Variants in ZNF532 observed in about 807,000 individuals in gnomAD.
ZNF532 encodes zinc finger protein 532.
A neutral mutation model predicts 89.3 loss-of-function variants in ZNF532; 22 were observed. That is an observed-to-expected ratio of 0.25 (90% CI 0.18 to 0.35). The LOEUF is 0.35. ZNF532 is among the 10% of genes least tolerant of loss of function. The pLI, the probability that ZNF532 is intolerant of heterozygous loss-of-function variation, is 1.00. For synonymous variants in ZNF532, 606 were observed against 649.6 expected, an observed-to-expected ratio of 0.93 and a Z score of 1.02; for missense variants, 1,132 against 1,643.4, an observed-to-expected ratio of 0.69 and a Z score of 5.38.
intron 7 of ZNF532, 58 bp from the exon 8 acceptor site, chr18:58,978,997 A>C (rs1187135968): frequency 5.9e-6 from 8 of 1,360,454 alleles, no homozygotes; most frequent in Non-Finnish European, 7.3e-6. Flanking sequence ...AAGAGTTCTT[A>C]ATTGTTTGAG....
chr18:58,944,989 C>G (rs1357350310), intron 5 of ZNF532, among the ~76,000 whole-genome samples: 1 of 152,174 alleles, frequency 6.6e-6, no homozygotes, highest in African/African-American at 2.4e-5. Context: ...GTGCAGCCCC[C>G]CAGTCAGGAA....
intron 3 of ZNF532, among the ~76,000 whole-genome samples, chr18:58,931,983 G>A (rs558391624): frequency 6.6e-6 from 1 of 152,252 alleles, no homozygotes; most frequent in African/African-American, 2.4e-5. Flanking sequence ...ATGGAGTCAA[G>A]GAGTAGAGGA....
At chr18:58,888,761 A>ATATATAATTTATATATATATAAATTAT (rs1450919884) in intron 2 of ZNF532, among the ~76,000 whole-genome samples, 6 of 9,438 alleles carry the variant, frequency 6.4e-4, no homozygotes, top group Admixed American at 5.0e-3. Context: ...ATATAAAATT[A>ATATATAATTTATATATATATAAATTAT]ATATATATAA....
rs777150171 is a variant in ZNF532, at chr18:58,984,261, T to C, written c.3701T>C (p.Val1234Ala). 1.9e-6 allele frequency: 3 copies of C among 1,611,830 alleles called. No homozygotes were observed. The highest frequency in any genetic ancestry group is 2.7e-5 in the African/African-American group (2 of 74,830). Residue 1234 changes from valine (V) to alanine (A), a missense_variant, in exon 10 of 10, where the codon GTG (valine) becomes GCG (alanine). By Grantham distance (64) the Val-to-Ala change is moderately conservative (BLOSUM62 0). This residue lies in a region of ZNF532 where 415 missense variants were observed against 604.8 expected (regional missense o/e 0.69). Coordinates refer to ENST00000591808, the MANE Select transcript of ZNF532 (RefSeq NM_001375912.1). ...IVHKLKEPQPVSKQNGAGEDN... is the reference protein window; with the variant it reads ...IVHKLKEPQPASKQNGAGEDN... Reference sequence around the variant, plus strand: ...CACAAGTTAAAGGAACCTCAGCCAGTGTCCAAGCAAAATGGGGCTGGGGAA... The same window carrying C: ...CACAAGTTAAAGGAACCTCAGCCAGCGTCCAAGCAAAATGGGGCTGGGGAA...
intron 2 of ZNF532, among the ~76,000 whole-genome samples, chr18:58,894,914 C>T (rs928372934): frequency 2.0e-5 from 3 of 152,122 alleles, no homozygotes; most frequent in Admixed American, 1.3e-4. Context: ...ATCATGTGAG[C>T]CCAGGAGTTT....
chr18:58,970,890 G>A (rs947437595), intron 7 of ZNF532, among the ~76,000 whole-genome samples: 1 of 152,228 alleles, frequency 6.6e-6, no homozygotes, highest in Non-Finnish European at 1.5e-5. Context: ...GGTTTCATTG[G>A]CATGATGCTG....
chr18:58,919,880 T>C lies in ZNF532; in HGVS notation c.1593T>C (p.Pro531=). The C allele has an allele frequency of 6.2e-7, 1 of 1,613,992 alleles. No individual in the cohort carries two copies. Among genetic ancestry groups the C allele is most frequent in the South Asian group, 1.1e-5 (1 of 91,078 alleles). The change falls in exon 3 of 10, where the codon CCT becomes CCC. Residue 531 remains proline, a synonymous_variant. Coordinates refer to ENST00000591808, the MANE Select transcript of ZNF532 (RefSeq NM_001375912.1). The surrounding 1 kb of genome is among the most constrained non-coding windows in gnomAD (Gnocchi z 6.1). ...TVHLANLNLL[P]QGAQATSELR... ...ACCTTGCCAACCTTAACCTTTTGCC[T>C]CAGGGTGCCCAGGCCACCTCTGAAC...
At chr18:58,888,887 TA>T (rs1568248998) in intron 2 of ZNF532, among the ~76,000 whole-genome samples, 5 of 52,442 alleles carry the variant, frequency 9.5e-5, no homozygotes, top group African/African-American at 4.6e-4. Context: ...TATATATATA[TA>T]TTTTATATAT....
upstream of ZNF532, chr18:58,864,072 C>T (rs973128029): frequency 1.3e-5 from 2 of 152,238 alleles, no homozygotes; most frequent in African/African-American, 2.4e-5. Flanking sequence ...CCTACTCCCC[C>T]CGCCGGCGCC....
intron 2 of ZNF532, among the ~76,000 whole-genome samples, chr18:58,891,035 C>T (rs1442524676): frequency 6.6e-6 from 1 of 152,114 alleles, no homozygotes; most frequent in Non-Finnish European, 1.5e-5. Flanking sequence ...TCTCCTGCCT[C>T]AGCCTCCCGA....
intron 2 of ZNF532, among the ~76,000 whole-genome samples, chr18:58,902,818 C>T (rs1185063425): frequency 6.6e-6 from 1 of 151,944 alleles, no homozygotes; most frequent in African/African-American, 2.4e-5. Flanking sequence ...GTGGCCGATA[C>T]CTAGAGTAGG....
Position 58,957,665 on chromosome 18 carries a change from C to G in ZNF532, c.3150+3866C>G, listed in dbSNP as rs964512425. Reference sequence around the variant, plus strand: ...TTTGGTTTCATTAATTGTTTTTGACCTTTCTTCCCCTTCTCAGTTCCCATC... The same window carrying G: ...TTTGGTTTCATTAATTGTTTTTGACGTTTCTTCCCCTTCTCAGTTCCCATC... On this transcript the variant is annotated intron_variant, in intron 7 of 9. Coordinates refer to ENST00000591808, the MANE Select transcript of ZNF532 (RefSeq NM_001375912.1). Among the ~76,000 whole-genome samples, 40 of 151,922 alleles carry G rather than the reference C, an allele frequency of 2.6e-4. 1 individual carries two copies. The highest frequency in any genetic ancestry group is 8.9e-4 in the African/African-American group (37 of 41,374).
chr18:58,929,543 A>C (rs1040802956), intron 3 of ZNF532, among the ~76,000 whole-genome samples: 1 of 152,188 alleles, frequency 6.6e-6, no homozygotes, highest in Admixed American at 6.5e-5. Context: ...TGTTTAATTT[A>C]AATTTTGGTC....
rs966134495 is a variant in ZNF532 at position 58,924,398 on chromosome 18, G to A, written c.2346+3765G>A. Among the ~76,000 whole-genome samples the A allele has an allele frequency of 3.3e-5, 5 of 152,196 alleles. No individual in the cohort carries two copies. In the East Asian group the frequency reaches 5.8e-4, roughly 18 times the overall value. On this transcript the variant is annotated intron_variant, in intron 3 of 9. Transcript: ENST00000591808. The stretch of plus-strand genomic sequence containing the variant: ...TCTAGTTAGTCTAGTCTCATCACCC[G>A]AAGTGGATTCCTGAACCAACCTTGC...
At chr18:58,901,099 T>TTC (rs2059572529) in intron 2 of ZNF532, among the ~76,000 whole-genome samples, 5 of 152,252 alleles carry the variant, frequency 3.3e-5, no homozygotes, top group Non-Finnish European at 5.9e-5. Context: ...TTCATAGTAT[T>TTC]GACCCATGGC....
intron 2 of ZNF532, chr18:58,916,791 A>T (rs904406817): frequency 1.1e-6 from 1 of 921,046 alleles, no homozygotes; most frequent in Non-Finnish European, 1.3e-6. Context: ...GAGTTTTCTC[A>T]GGCATGTGTA....
rs192096641 is a variant in ZNF532 at position 58,943,683 on chromosome 18, G to A, written c.2705+4062G>A. On this transcript the variant is annotated intron_variant, in intron 5 of 9. Coordinates refer to ENST00000591808, the MANE Select transcript of ZNF532 (RefSeq NM_001375912.1). ...TCTCCATGTTGGCCAGGAGGGTCTCGATCTCTTTACCTTGTGATCCGCCTG... is the reference window on the plus strand; with the variant it reads ...TCTCCATGTTGGCCAGGAGGGTCTCAATCTCTTTACCTTGTGATCCGCCTG... Among the ~76,000 whole-genome samples the A allele has an allele frequency of 1.1e-3, 162 of 151,972 alleles. 3 individuals carry two copies. The highest frequency in any genetic ancestry group is 1.0e-3 in the Non-Finnish European group (68 of 67,996).
At chr18:58,954,032 G>T in intron 7 of ZNF532, 1 of 985,262 alleles carries the variant, frequency 1.0e-6, no homozygotes, top group South Asian at 4.7e-5. Context: ...AGACTGGTGT[G>T]CATGAATGTG....
chr18:58,982,004 A>C (rs1267546098), intron 9 of ZNF532, among the ~76,000 whole-genome samples: 5 of 148,364 alleles, frequency 3.4e-5, no homozygotes, highest in African/African-American at 1.0e-4. Flanking sequence ...ACTCTCCCAA[A>C]AAAAAAAAAA....
Sources: gnomAD v4.1 joint callset for allele counts (sites outside exome capture counted in the v4.1 genomes callset) on GRCh38, gnomAD v4.1.1 for gene constraint, gnomAD v4.1.1 regional missense constraint, Gnocchi (gnomAD v3.1) non-coding constraint, MANE v1.5 for transcripts, NCBI Gene and HGNC (gene_info 2026-07-23, HGNC 2026-07-21) for gene names.